Variants in CADM2 observed in about 807,000 individuals in gnomAD.
The protein encoded by CADM2 is immunoglobulin superfamily member 4D.
A neutral mutation model predicts 49.8 loss-of-function variants in CADM2; 12 were observed. The observed-to-expected ratio is 0.24, with a 90% CI of 0.15 to 0.39. The LOEUF (loss-of-function observed/expected upper bound fraction) is 0.39, where lower values mean the gene tolerates loss of function less well. CADM2 is among the 10% of genes least tolerant of loss of function. The probability of loss-of-function intolerance (pLI) is 1.00; values close to 1 mark genes in which losing one functional copy is unlikely to be tolerated. For synonymous variants in CADM2, 214 were observed against 175.4 expected, an observed-to-expected ratio of 1.22 and a Z score of -1.74; for missense variants, 378 against 492.3, an observed-to-expected ratio of 0.77 and a Z score of 2.20.
chr3:85,212,825 T>TC lies in CADM2; in HGVS notation c.61+253158dup, dbSNP rs1491468712. ...CTTCTTTTTCTTCTCTTTCTTTCTT[T>TC]CTTTCTTTCTTTCTTTCTTTCTTTC... On this transcript the variant is annotated intron_variant, in intron 1 of 9. Coordinates refer to ENST00000383699, the MANE Select transcript of CADM2 (RefSeq NM_001167675.2). Among the ~76,000 whole-genome samples the TC allele has an allele frequency of 2.4e-5, 2 of 82,068 alleles. 1 individual carries two copies. The allele number at this position is 82,068 out of a possible 152,430, so 53.8% of individuals were successfully genotyped here.
chr3:86,003,379 C>A (rs118182969), intron 8 of CADM2, among the ~76,000 whole-genome samples: 1 of 152,082 alleles, frequency 6.6e-6, no homozygotes, highest in African/African-American at 2.4e-5. Context: ...AATCCAATAA[C>A]CCCATGTCTT....
chr3:85,413,947 C>T (rs982718742), intron 1 of CADM2, among the ~76,000 whole-genome samples: 2 of 152,126 alleles, frequency 1.3e-5, no homozygotes, highest in African/African-American at 4.8e-5. Flanking sequence ...CCACTGCAAC[C>T]TCTGCCTCCA....
rs550252981 is a variant in CADM2, at chr3:85,769,502, T to TACATATATACATATATA, written c.89-32545_89-32544insACATATATACATATATA. ...ACACGTATATACATATATACATATATGTATATATACACGTATATACATATA... is the reference window on the plus strand; with the variant it reads ...ACACGTATATACATATATACATATATACATATATACATATATAGTATATATACACGTATATACATATA... On this transcript the variant is annotated intron_variant, in intron 2 of 9. Coordinates refer to ENST00000383699, the MANE Select transcript of CADM2 (RefSeq NM_001167675.2). 1.8e-4 allele frequency among the ~76,000 whole-genome samples: 7 copies of TACATATATACATATATA among 38,468 alleles called. 1 individual carries two copies. The highest frequency in any genetic ancestry group is 9.7e-4 in the South Asian group (1 of 1,036). The allele number at this position is 38,468 out of a possible 152,430, so 25.2% of individuals were successfully genotyped here. A position where few individuals can be genotyped will look rare whatever the true frequency, so the allele number is the denominator to read the frequency against.
rs907996417 is a variant in CADM2 at position 85,830,380 on chromosome 3, T to A, written c.238+28184T>A. Among the ~76,000 whole-genome samples the A allele has an allele frequency of 8.6e-5, 13 of 151,944 alleles. 1 individual carries two copies. Among genetic ancestry groups the A allele is most frequent in the African/African-American group, 3.1e-4 (13 of 41,392 alleles). On this transcript the variant is annotated intron_variant, in intron 3 of 9. Coordinates refer to ENST00000383699, the MANE Select transcript of CADM2 (RefSeq NM_001167675.2). Reference sequence around the variant, plus strand: ...GTTTAAGAAGATTATTTGTTTTCTTTTTGCCATTGAGTTGTGTGAGTTCCT... The same window carrying A: ...GTTTAAGAAGATTATTTGTTTTCTTATTGCCATTGAGTTGTGTGAGTTCCT...
intron 1 of CADM2, among the ~76,000 whole-genome samples, chr3:85,491,496 T>A (rs1378078133): frequency 2.0e-5 from 3 of 152,130 alleles, no homozygotes; most frequent in Non-Finnish European, 2.9e-5. Flanking sequence ...AGTTATCACA[T>A]CATGTGAGCG....
At chr3:85,113,818 A>G (rs1285657647) in intron 1 of CADM2, among the ~76,000 whole-genome samples, 1 of 151,856 alleles carries the variant, frequency 6.6e-6, no homozygotes, top group East Asian at 1.9e-4. Context: ...GAATTTTATA[A>G]CTTATGATAG....
At chr3:85,352,342 A>G (rs1204154882) in intron 1 of CADM2, among the ~76,000 whole-genome samples, 1 of 152,176 alleles carries the variant, frequency 6.6e-6, no homozygotes, top group African/African-American at 2.4e-5. Flanking sequence ...GTCTAACTTT[A>G]GGAGGACTAT....
chr3:85,768,445 C>A (rs1048699562), intron 2 of CADM2, among the ~76,000 whole-genome samples: 6 of 119,700 alleles, frequency 5.0e-5, no homozygotes, highest in African/African-American at 1.9e-4. Context: ...GACTCCATCT[C>A]AAAATAAATA....
At chr3:85,288,321 A>C (rs2043687366) in intron 1 of CADM2, among the ~76,000 whole-genome samples, 2 of 152,092 alleles carry the variant, frequency 1.3e-5, no homozygotes, top group South Asian at 4.1e-4. Context: ...TTGTAGGACA[A>C]TCTGCAACCA....
chr3:85,605,191 T>C (rs776435125), intron 1 of CADM2, among the ~76,000 whole-genome samples: 34 of 152,120 alleles, frequency 2.2e-4, no homozygotes, highest in Admixed American at 5.3e-4. Context: ...TAAAGAGCTC[T>C]CAGCATGTAT....
At chr3:85,790,723 C>T (rs976704631) in intron 2 of CADM2, among the ~76,000 whole-genome samples, 1 of 152,178 alleles carries the variant, frequency 6.6e-6, no homozygotes, top group African/African-American at 2.4e-5. Flanking sequence ...CACTGTTACA[C>T]TCTGATATCA....
At chr3:85,451,924 C>T (rs938936154) in intron 1 of CADM2, among the ~76,000 whole-genome samples, 11 of 151,982 alleles carry the variant, frequency 7.2e-5, no homozygotes, top group Admixed American at 3.3e-4. Flanking sequence ...AGTACTTAGG[C>T]GCAGTCCAAA....
intron 1 of CADM2, among the ~76,000 whole-genome samples, chr3:85,286,777 T>C (rs2106912929): frequency 6.6e-6 from 1 of 152,298 alleles, no homozygotes; most frequent in Admixed American, 6.5e-5. Context: ...ATCCTATTTT[T>C]TGGGTACATA....
intron 2 of CADM2, among the ~76,000 whole-genome samples, chr3:85,769,334 CACGTATAT>C (rs1392136874): frequency 9.0e-6 from 1 of 110,540 alleles, no homozygotes; most frequent in African/African-American, 4.3e-5. Context: ...AGTATATATA[CACGTATAT>C]ACATATATAC....
At chr3:85,971,218 A>G (rs1726083598) in intron 8 of CADM2, among the ~76,000 whole-genome samples, 1 of 151,638 alleles carries the variant, frequency 6.6e-6, no homozygotes, top group South Asian at 2.1e-4. Flanking sequence ...CAACGCCCTT[A>G]TGGACTCTCG....
intron 1 of CADM2, among the ~76,000 whole-genome samples, chr3:85,372,054 T>A (rs1377980864): frequency 1.3e-5 from 2 of 151,488 alleles, no homozygotes; most frequent in East Asian, 3.9e-4. Flanking sequence ...AGTGCCTAGA[T>A]AATCTGCTGA....
chr3:85,216,557 C>T (rs1338661675), intron 1 of CADM2, among the ~76,000 whole-genome samples: 3 of 151,750 alleles, frequency 2.0e-5, no homozygotes, highest in Non-Finnish European at 4.4e-5. Flanking sequence ...TCTTTTGATA[C>T]AATAAAGCTG....
At chr3:85,857,451 C>T (rs1251606634) in intron 3 of CADM2, among the ~76,000 whole-genome samples, 2 of 152,124 alleles carry the variant, frequency 1.3e-5, no homozygotes, top group Non-Finnish European at 1.5e-5. Context: ...TCCGTGCCTA[C>T]CATAAACTCT....
At chr3:85,873,890 A>G (rs1054281446) in intron 3 of CADM2, among the ~76,000 whole-genome samples, 2 of 152,082 alleles carry the variant, frequency 1.3e-5, no homozygotes, top group Non-Finnish European at 2.9e-5. Flanking sequence ...CTTCATCCCC[A>G]AAAGGGAAAT....
Sources: allele counts gnomAD v4.1 joint callset (sites outside exome capture counted in the v4.1 genomes callset), GRCh38; gene constraint gnomAD v4.1.1; transcripts MANE v1.5; gene names NCBI Gene and HGNC (gene_info 2026-07-23, HGNC 2026-07-21).